MAX: variants seen among roughly 807,000 people sequenced by gnomAD.
MAX encodes MYC associated transcriptional regulator X, also known as protein max.
Under a neutral mutation model 22.3 loss-of-function variants are expected in MAX, and 3 were observed. The observed-to-expected ratio is 0.13, with a 90% confidence interval of 0.06 to 0.35. MAX has a LOEUF of 0.35. Ranked by LOEUF, MAX falls within the 10% of genes least tolerant of loss-of-function variation. The pLI is 1.00. For missense variants in MAX, 119 were observed against 209.4 expected (o/e 0.57, Z 2.66); for synonymous variants, 72 against 77.7 (o/e 0.93, Z 0.39).
intron 3 of MAX, chr14:65,040,984 C>A: frequency 1.3e-6 from 2 of 1,586,470 alleles, no homozygotes; most frequent in South Asian, 1.1e-5. Context: ...TGTACTCAGA[C>A]ATGCAGGCTT....
At position 65,027,927 on chromosome 14, in the gene MAX, A is replaced by G; in HGVS notation, c.172-21643T>C. On this transcript the variant is annotated intron_variant, in intron 3 of 3. Transcript: ENST00000341653. The surrounding 1 kb of genome is among the most constrained non-coding windows in gnomAD (Gnocchi z 5.7). ...GGATGACATGTCAGTGACACGTCAG[A>G]ATCATTCAGATGTGATGCAGATGTC... The G allele has an allele frequency of 1.0e-6, 1 of 1,003,746 alleles. No homozygotes were observed. Among genetic ancestry groups the G allele is most frequent in the Non-Finnish European group, 1.5e-6 (1 of 675,720 alleles). The allele number at this position is 1,003,746 out of a possible 1,614,324, so 62.2% of individuals were successfully genotyped here.
In MAX at chr14:65,021,925, C is replaced by T. The variant is rs559580294; in HGVS notation, c.172-15641G>A. 6.6e-4 allele frequency: 300 copies of T among 456,028 alleles called. 1 individual carries two copies. The highest frequency in any genetic ancestry group is 4.5e-3 in the South Asian group (292 of 64,560). 28.2% of individuals were successfully genotyped at this position (456,028 alleles called of 1,614,324 possible). ...CCTCCCAAAGTGCTAGGATTATAGG[C>T]GTGAGCCACTGCGCCCGGCCTATAG... On this transcript the variant is annotated intron_variant, in intron 3 of 3. Coordinates refer to the MAX transcript ENST00000341653.
At chr14:65,057,548 C>CT (rs2062765045) in intron 3 of MAX, among the ~76,000 whole-genome samples, 2 of 152,110 alleles carry the variant, frequency 1.3e-5, no homozygotes, top group Admixed American at 6.6e-5. Context: ...GGAATCTCTA[C>CT]CATTTTTTGA....
In MAX at chr14:65,023,836, C is replaced by T. The variant is rs1382261131; in HGVS notation, c.172-17552G>A. Among the ~76,000 whole-genome samples the T allele has an allele frequency of 6.6e-6, 1 of 152,176 alleles. No individual in the cohort carries two copies. The highest frequency in any genetic ancestry group is 1.5e-5 in the Non-Finnish European group (1 of 68,036). ...GGACTCTCAGCCGGGCATGGTGGCT[C>T]ACGCCTGTAATCCTAGCACTTTGGG... On this transcript the variant is annotated intron_variant, in intron 3 of 3. Transcript: ENST00000341653. The surrounding 1 kb of genome is among the most constrained non-coding windows in gnomAD (Gnocchi z 4.1).
rs1007859957 is a variant in MAX, at chr14:65,031,596, A to G, written c.172-25312T>C. On this transcript the variant is annotated intron_variant, in intron 3 of 3. Coordinates refer to the MAX transcript ENST00000341653. This position sits in a 1 kb window ranked among gnomAD's most constrained non-coding sequence, Gnocchi z 4.6. ...CTCCCAAAGTGCTGGGATTACAGGC[A>G]TGAGCAACTGTGCCCAGCCTAATAA... 1.1e-4 allele frequency among the ~76,000 whole-genome samples: 17 copies of G among 151,834 alleles called. No individual in the cohort carries two copies. The highest frequency in any genetic ancestry group is 8.5e-4 in the Admixed American group (13 of 15,250).
At chr14:65,091,297 G>A (rs1019847247) in intron 3 of MAX, among the ~76,000 whole-genome samples, 7 of 152,166 alleles carry the variant, frequency 4.6e-5, no homozygotes, top group East Asian at 3.8e-4. Context: ...ATGAAACAGC[G>A]CTGGCAGCTC....
At chr14:65,019,853 A>C (rs2061853151) in intron 3 of MAX, among the ~76,000 whole-genome samples, 1 of 152,218 alleles carries the variant, frequency 6.6e-6, no homozygotes, top group African/African-American at 2.4e-5. Flanking sequence ...GATACAGATA[A>C]ATCTTAAGGA....
At chr14:65,066,572 T>A (rs2062932508) in intron 3 of MAX, among the ~76,000 whole-genome samples, 1 of 152,130 alleles carries the variant, frequency 6.6e-6, no homozygotes, top group Non-Finnish European at 1.5e-5. Flanking sequence ...GAAAAATGCA[T>A]GGCCGGGTGT....
chr14:65,020,434 CCT>C (rs144898294), intron 3 of MAX, among the ~76,000 whole-genome samples: 3,034 of 152,062 alleles, frequency 0.02, 96 homozygotes, highest in African/African-American at 0.07. Context: ...CTTCAGCTTG[CCT>C]CTTTTTTTTT....
intron 3 of MAX, among the ~76,000 whole-genome samples, chr14:65,045,192 G>C (rs1231217825): frequency 6.6e-6 from 1 of 152,144 alleles, no homozygotes; most frequent in East Asian, 1.9e-4. Flanking sequence ...TGGTGTACTT[G>C]ATGTGAGAGC....
intron 3 of MAX, chr14:65,053,177 T>C: frequency 8.0e-7 from 1 of 1,248,876 alleles, no homozygotes; most frequent in Non-Finnish European, 1.0e-6. Flanking sequence ...GAAAGTGGAA[T>C]TAGGTCATTG....
At chr14:65,015,779 G>C in intron 3 of MAX, 1 of 1,572,520 alleles carries the variant, frequency 6.4e-7, no homozygotes, top group Non-Finnish European at 8.7e-7. Context: ...TTGGGATTTT[G>C]TTTTGTTTCT....
chr14:65,068,679 C>CA (rs2062956219), intron 3 of MAX, among the ~76,000 whole-genome samples: 1 of 152,128 alleles, frequency 6.6e-6, no homozygotes, highest in Non-Finnish European at 1.5e-5. Context: ...GTCTGTTTAA[C>CA]AGACCCCACA....
At chr14:65,070,279 A>T (rs1480213612), downstream of MAX, among the ~76,000 whole-genome samples, 1 of 152,158 alleles carries the variant, frequency 6.6e-6, no homozygotes, top group African/African-American at 2.4e-5. This position sits in a 1 kb window ranked among gnomAD's most constrained non-coding sequence, Gnocchi z 4.4. Flanking sequence ...ATCCTTCACC[A>T]TGTTCAGCAC....
Position 65,030,731 on chromosome 14 carries a change from T to G in MAX, c.172-24447A>C, listed in dbSNP as rs1000478182. ...CTGCAGCCTGGGCAACAAAGTGAGA[T>G]CCTATCTTAAAAAAAAAAAAGAAGA... On this transcript the variant is annotated intron_variant, in intron 3 of 3. Coordinates refer to the MAX transcript ENST00000341653. The surrounding 1 kb of genome is among the most constrained non-coding windows in gnomAD (Gnocchi z 4.5). Among the ~76,000 whole-genome samples, 3 of 151,174 alleles carry G rather than the reference T, an allele frequency of 2.0e-5. No individual in the cohort carries two copies. The highest frequency in any genetic ancestry group is 4.4e-5 in the Non-Finnish European group (3 of 67,822).
Position 65,077,992 on chromosome 14 carries a change from C to A in MAX, c.216G>T (p.Gln72His), listed in dbSNP as rs2139754832. The change falls in exon 4 of 5, where the codon CAG (glutamine) becomes CAT (histidine). Residue 72 changes from glutamine to histidine, a missense_variant. Around this residue, in one of 3 missense-constraint regions of MAX, gnomAD observed 95 missense variants for 148.1 expected, o/e 0.64. Transcript: ENST00000358664. The surrounding 1 kb of genome is among the most constrained non-coding windows in gnomAD (Gnocchi z 6.3). ...GTGTGTGGTTTTTCCTTCGCATATA[C>A]TGGATATATTCTGTGGCTTTGTCTA... ...QILDKATEYI[Q>H]YMRRKNHTHQ... 6.2e-7 allele frequency: 1 copy of A among 1,614,172 alleles called. No individual in the cohort carries two copies. The highest frequency in any genetic ancestry group is 8.5e-7 in the Non-Finnish European group (1 of 1,180,038).
At position 65,023,300 on chromosome 14, in the gene MAX, C is replaced by G. The variant is rs3783715; in HGVS notation, c.172-17016G>C. Among the ~76,000 whole-genome samples, 37,945 of 152,040 alleles carry G rather than the reference C, an allele frequency of 0.25. 4,924 individuals carry two copies. Among genetic ancestry groups the G allele is most frequent in the Non-Finnish European group, 0.3 (20,142 of 67,968 alleles). On this transcript the variant is annotated intron_variant, in intron 3 of 3. Transcript: ENST00000341653. This position sits in a 1 kb window ranked among gnomAD's most constrained non-coding sequence, Gnocchi z 4.1. Reference sequence around the variant, plus strand: ...CCTTGAACTCCTGAGCTCAAGTGATCCCCCTCACCTCAGCCAAAGTGCTGG... The same window carrying G: ...CCTTGAACTCCTGAGCTCAAGTGATGCCCCTCACCTCAGCCAAAGTGCTGG...
At chr14:65,024,009 G>A (rs113643289) in intron 3 of MAX, among the ~76,000 whole-genome samples, 5,947 of 152,046 alleles carry the variant, frequency 0.039, 174 homozygotes, top group Middle Eastern at 0.075. Context: ...GGCTGAGGGA[G>A]GAGAATCACT....
intron 3 of MAX, among the ~76,000 whole-genome samples, chr14:65,037,032 A>G (rs1000681881): frequency 6.6e-6 from 1 of 151,426 alleles, no homozygotes; most frequent in African/African-American, 2.4e-5. Flanking sequence ...AAGTGCATAT[A>G]CTTTAGTACC....
Sources: allele counts gnomAD v4.1 joint callset (sites outside exome capture counted in the v4.1 genomes callset), GRCh38; gene constraint gnomAD v4.1.1; regional missense constraint gnomAD v4.1.1; non-coding constraint Gnocchi (gnomAD v3.1); transcripts MANE v1.5; gene names NCBI Gene and HGNC (gene_info 2026-07-23, HGNC 2026-07-21).